CARD18: variants seen among roughly 807,000 people sequenced by gnomAD.
CARD18 encodes caspase recruitment domain family member 18.
CARD18 carries 7 observed loss-of-function variants against 7.9 expected under a neutral mutation model. The observed-to-expected ratio is 0.88, with a 90% CI of 0.50 to 1.66. The LOEUF is 1.66. Ranked by LOEUF, CARD18 falls within the 40% of genes most tolerant of loss-of-function variation. The pLI is 0.00. For synonymous variants in CARD18, 34 were observed against 34.8 expected, an observed-to-expected ratio of 0.98 and a Z score of 0.08; for missense variants, 134 against 105.5, an observed-to-expected ratio of 1.27 and a Z score of -1.18.
Position 105,139,001 on chromosome 11 carries a change from G to T in CARD18, c.85C>A (p.Leu29Ile), listed in dbSNP as rs1405817120. Residue 29 changes from leucine to isoleucine, a missense_variant, in exon 2 of 3, where the codon CTA becomes ATA. By Grantham distance (5) the Leu-to-Ile change is conservative. Coordinates refer to ENST00000530950, the MANE Select transcript of CARD18 (RefSeq NM_021571.4). ...TGGCTAATAACTTCATCCTCTAATA[G>T]GCAATCCAGCAAGGCATTTATTGTG... ...AGTINALLDC[L>I]LEDEVISQED... 1 of 1,613,434 alleles carries T rather than the reference G, an allele frequency of 6.2e-7. No homozygotes were observed. Among genetic ancestry groups the T allele is most frequent in the Non-Finnish European group, 8.5e-7 (1 of 1,179,686 alleles).
chr11:105,138,526 T>A (rs566132918), intron 2 of CARD18, among the ~76,000 whole-genome samples: 1 of 152,008 alleles, frequency 6.6e-6, no homozygotes, highest in African/African-American at 2.4e-5. Flanking sequence ...ATTAAAAGAT[T>A]CAGGATAAAA....
At chr11:105,138,547 C>G (rs1018228454) in intron 2 of CARD18, among the ~76,000 whole-genome samples, 1 of 151,986 alleles carries the variant, frequency 6.6e-6, no homozygotes, top group Admixed American at 6.6e-5. Flanking sequence ...CATCTAGGCT[C>G]TTTAAATGAA....
At chr11:105,139,646 G>T in intron 1 of CARD18, 74 bp downstream of exon 1, 2 of 1,532,900 alleles carry the variant, frequency 1.3e-6, no homozygotes, top group Non-Finnish European at 1.8e-6. Flanking sequence ...CCTTCACAAA[G>T]CCTAATGAGA....
At position 105,138,065 on chromosome 11, in the gene CARD18, A is replaced by G. The variant is rs2134724670; in HGVS notation, c.*35T>C. ...TTCTCCCTTGGAAGAAGCTCTGGGA[A>G]GTCTCTGAAGTGCTCCAGAGTTCCA... On this transcript the variant is annotated 3_prime_UTR_variant, in exon 3 of 3. Transcript: ENST00000530950. The G allele has an allele frequency of 1.3e-5, 2 of 152,208 alleles. No individual in the cohort carries two copies. The highest frequency in any genetic ancestry group is 3.9e-4 in the East Asian group (2 of 5,172). The allele number at this position is 152,208 out of a possible 1,614,324, so 9.4% of individuals were successfully genotyped here.
At chr11:105,138,165 T>C (rs1324258660) in intron 2 of CARD18, 67 bp from the exon 3 acceptor site, 1 of 152,108 alleles carries the variant, frequency 6.6e-6, no homozygotes, top group East Asian at 1.9e-4. Context: ...TCAGGGCTCT[T>C]AGGAGGCCTA....
At chr11:105,139,440 G>A in intron 1 of CARD18, 1 of 549,726 alleles carries the variant, frequency 1.8e-6, no homozygotes, top group Non-Finnish European at 3.2e-6. Flanking sequence ...TACCCATCCT[G>A]TGCCCATTCT....
chr11:105,139,757 T>C lies in CARD18; in HGVS notation c.-31A>G. ...CTCACGTTGGCACTTGCAATGTGTG[T>C]TACACTTGCAATGACAGGCAAGGTA... On this transcript the variant is annotated 5_prime_UTR_variant, in exon 1 of 3. Transcript: ENST00000530950. The C allele has an allele frequency of 6.3e-7, 1 of 1,598,074 alleles. No individual in the cohort carries two copies. The highest frequency in any genetic ancestry group is 8.5e-7 in the Non-Finnish European group (1 of 1,178,656).
chr11:105,138,115 G>A lies in CARD18; in HGVS notation c.*2-17C>T, dbSNP rs930160894. 4 of 152,018 alleles carry A rather than the reference G, an allele frequency of 2.6e-5. No homozygotes were observed. The highest frequency in any genetic ancestry group is 9.7e-5 in the African/African-American group (4 of 41,384). The allele number at this position is 152,018 out of a possible 1,614,324, so 9.4% of individuals were successfully genotyped here. ...ATCTTCTCTCTGTGGAGGGAGAAAA[G>A]TGGTATTGGAATGGGCCAGCTCAGA... is the stretch of plus-strand genomic sequence containing the variant. On this transcript the variant is annotated splice_polypyrimidine_tract_variant and intron_variant, in intron 2 of 2. Coordinates refer to ENST00000530950, the MANE Select transcript of CARD18 (RefSeq NM_021571.4).
rs547087625 is a variant in CARD18, at chr11:105,139,562, T to C, written c.7+158A>G. Reference sequence around the variant, plus strand: ...TTTATCTGTTCCTTCAAAAACGCTGTGCAAGTCTGGGCATCTTCCCACCCT... The same window carrying C: ...TTTATCTGTTCCTTCAAAAACGCTGCGCAAGTCTGGGCATCTTCCCACCCT... On this transcript the variant is annotated intron_variant, in intron 1 of 2. Coordinates refer to ENST00000530950, the MANE Select transcript of CARD18 (RefSeq NM_021571.4). 4.9e-5 allele frequency: 34 copies of C among 696,752 alleles called. No homozygotes were observed. In the African/African-American group the frequency reaches 5.9e-4, roughly 12 times the overall value. The allele number at this position is 696,752 out of a possible 1,614,324, so 43.2% of individuals were successfully genotyped here.
chr11:105,138,925 G>A lies in CARD18; in HGVS notation c.161C>T (p.Ala54Val). ...RDENDTVMDK[A>V]RVLIDLVTGK... ...AGTAACAAGGTCAATCAAGACTCGA[G>A]CCTTATCCATGACAGTGTCATTTTC... is the stretch of plus-strand genomic sequence containing the variant. The change falls in exon 2 of 3, where the codon GCT becomes GTT. Residue 54 changes from alanine (A) to valine (V), a missense_variant. By Grantham distance (64) the Ala-to-Val change is moderately conservative. Transcript: ENST00000530950. 2 of 1,613,724 alleles carry A rather than the reference G, an allele frequency of 1.2e-6. No individual in the cohort carries two copies. The highest frequency in any genetic ancestry group is 2.7e-5 in the African/African-American group (2 of 75,028).
At chr11:105,138,367 A>T (rs1865431952) in intron 2 of CARD18, among the ~76,000 whole-genome samples, 1 of 152,160 alleles carries the variant, frequency 6.6e-6, no homozygotes, top group Non-Finnish European at 1.5e-5. Flanking sequence ...CAATTCCATC[A>T]TCATTGTATA....
At chr11:105,139,628 C>T in intron 1 of CARD18, 92 bp downstream of exon 1, 1 of 1,427,772 alleles carries the variant, frequency 7.0e-7, no homozygotes, top group Non-Finnish European at 9.7e-7. Context: ...CAAGGCTGCC[C>T]ACACAAACCT....
chr11:105,139,589 C>G, intron 1 of CARD18, 131 bp downstream of exon 1: 31 of 904,842 alleles, frequency 3.4e-5, no homozygotes, highest in Non-Finnish European at 5.2e-5. Context: ...TCCCACCCTG[C>G]CTCTCCCTTC....
intron 1 of CARD18, 36 bp from the exon 2 acceptor site, chr11:105,139,114 A>G (rs781295184): frequency 7.4e-5 from 118 of 1,593,394 alleles, no homozygotes; most frequent in Non-Finnish European, 9.7e-5. Flanking sequence ...AATAATGAAC[A>G]TGACACAATT....
Position 105,139,316 on chromosome 11 carries a change from A to G in CARD18, c.8-238T>C, listed in dbSNP as rs368323367. ...TGATTTTTCTGTGAATCTCCTAAAA[A>G]TCAGAAGTCATTCTATTCTGACACA... On this transcript the variant is annotated intron_variant, in intron 1 of 2. Coordinates refer to ENST00000530950, the MANE Select transcript of CARD18 (RefSeq NM_021571.4). 244 of 561,286 alleles carry G rather than the reference A, an allele frequency of 4.3e-4. 3 individuals are homozygous for G. The South Asian group carries it at 5.4e-3, about 12-fold the overall frequency. The allele number at this position is 561,286 out of a possible 1,614,324, so 34.8% of individuals were successfully genotyped here.
intron 1 of CARD18, chr11:105,139,503 C>T: frequency 6.9e-6 from 4 of 579,930 alleles, no homozygotes; most frequent in Non-Finnish European, 1.2e-5. Context: ...AAAATTATAG[C>T]AGATACCAGT....
In CARD18 at chr11:105,139,026, G is replaced by C; in HGVS notation, c.60C>G (p.Gly20=). The change falls in exon 2 of 3, where the codon GGC becomes GGG. Residue 20 remains glycine (G), a synonymous_variant. Transcript: ENST00000530950. ...RRIFIHSVGA[G]TINALLDCLL... ...GGCAATCCAGCAAGGCATTTATTGT[G>C]CCTGCACCCACTGAATGGATAAAAA... 6.2e-7 allele frequency: 1 copy of C among 1,613,534 alleles called. No homozygotes were observed. Among genetic ancestry groups the C allele is most frequent in the Non-Finnish European group, 8.5e-7 (1 of 1,179,656 alleles).
rs1865443948 is a variant in CARD18 at position 105,139,214 on chromosome 11, A to G, written c.8-136T>C. ...CCAAGGAACGGTCTTATACCTTTGC[A>G]TTTACTCCACGTACTTCCTTCTGAT... On this transcript the variant is annotated intron_variant, in intron 1 of 2. Transcript: ENST00000530950. 4 of 923,366 alleles carry G rather than the reference A, an allele frequency of 4.3e-6. 1 individual carries two copies. Among genetic ancestry groups the G allele is most frequent in the Non-Finnish European group, 4.8e-6 (3 of 620,654 alleles). The allele number at this position is 923,366 out of a possible 1,614,324, so 57.2% of individuals were successfully genotyped here.
intron 1 of CARD18, 53 bp downstream of exon 1, chr11:105,139,667 T>C: frequency 6.3e-7 from 1 of 1,592,676 alleles, no homozygotes; most frequent in South Asian, 1.1e-5. Context: ...AAGGCAGTCC[T>C]TTCCCAAACT....
Sources: gnomAD v4.1 joint callset for allele counts (sites outside exome capture counted in the v4.1 genomes callset) on GRCh38, gnomAD v4.1.1 for gene constraint, MANE v1.5 for transcripts, NCBI Gene and HGNC (gene_info 2026-07-23, HGNC 2026-07-21) for gene names.